The following PATJ variants were observed in gnomAD, a reference collection of about 807,000 sequenced individuals.
PATJ encodes the protein PATJ crumbs cell polarity complex component.
In PATJ, 190 loss-of-function variants were observed where a neutral mutation model predicts 224.9. The observed-to-expected ratio is 0.84, with a 90% CI of 0.75 to 0.95. The LOEUF (loss-of-function observed/expected upper bound fraction) is 0.95, where lower values mean the gene tolerates loss of function less well. PATJ is among the 40% of genes least tolerant of loss of function. The probability of loss-of-function intolerance (pLI) is 0.00; values close to 1 mark genes in which losing one functional copy is unlikely to be tolerated. For synonymous variants in PATJ, 769 were observed against 820.3 expected (o/e 0.94, Z 1.07); for missense variants, 2,121 against 2,270.3 (o/e 0.93, Z 1.34).
At chr1:62,093,964 A>T (rs1202063549) in intron 33 of PATJ, among the ~76,000 whole-genome samples, 1 of 152,220 alleles carries the variant, frequency 6.6e-6, no homozygotes, top group Non-Finnish European at 1.5e-5. Context: ...AAACCTTTTA[A>T]TATATTTACA....
chr1:61,906,565 A>G (rs927806407), intron 24 of PATJ, among the ~76,000 whole-genome samples: 4 of 152,338 alleles, frequency 2.6e-5, no homozygotes, highest in South Asian at 2.1e-4. Context: ...CCACAGGCAC[A>G]CACATCTATG....
chr1:61,997,185 T>A (rs907297218), intron 28 of PATJ, among the ~76,000 whole-genome samples: 1 of 152,244 alleles, frequency 6.6e-6, no homozygotes, highest in Non-Finnish European at 1.5e-5. Context: ...GTCAATATTG[T>A]ATCTCAAAGC....
intron 41 of PATJ, among the ~76,000 whole-genome samples, chr1:62,141,832 TG>T (rs1309848138): frequency 1.3e-5 from 2 of 151,942 alleles, no homozygotes; most frequent in African/African-American, 4.8e-5. Flanking sequence ...TAGCTGGGCG[TG>T]GTGACACACA....
intron 28 of PATJ, among the ~76,000 whole-genome samples, chr1:61,998,200 C>T (rs151181916): frequency 0.013 from 1,911 of 150,950 alleles, 49 homozygotes; most frequent in African/African-American, 0.043. Context: ...CTGCCTCAGC[C>T]TCTCGATGAA....
At chr1:62,068,338 G>A (rs1360904259) in intron 31 of PATJ, among the ~76,000 whole-genome samples, 1 of 152,198 alleles carries the variant, frequency 6.6e-6, no homozygotes, top group Non-Finnish European at 1.5e-5. Context: ...TAGTTTGTTT[G>A]TTTTTCATAT....
At position 61,871,433 on chromosome 1, in the gene PATJ, ATG is replaced by A. The variant is rs1553185987; in HGVS notation, c.2836-3806_2836-3805del. ...TATATACATATATATGTACATATAT[ATG>A]TGTATATACACATATATATGCGTAT... On this transcript the variant is annotated intron_variant, in intron 20 of 43. Transcript: ENST00000642238. 1.3e-3 allele frequency among the ~76,000 whole-genome samples: 142 copies of A among 111,232 alleles called. 1 individual carries two copies. Among genetic ancestry groups the A allele is most frequent in the South Asian group, 5.3e-3 (19 of 3,614 alleles). 73.0% of individuals were successfully genotyped at this position (111,232 alleles called of 152,430 possible). A position where few individuals can be genotyped will look rare whatever the true frequency, so the allele number is the denominator to read the frequency against.
intron 7 of PATJ, among the ~76,000 whole-genome samples, chr1:61,777,112 G>A (rs1277035810): frequency 1.3e-5 from 2 of 152,118 alleles, no homozygotes; most frequent in Non-Finnish European, 2.9e-5. Flanking sequence ...TTGGGTATTT[G>A]GAAGATGTTT....
In PATJ at chr1:61,864,393, T is replaced by C. The variant is rs1298166054; in HGVS notation, c.2595T>C (p.Asp865=). The change falls in exon 20 of 44, where the codon GAT becomes GAC. Residue 865 remains aspartate (D), a synonymous_variant. Transcript: ENST00000642238. ...EFLTPRLQEM[D]EEREILVDEE... ...TGACTCCTAGATTGCAGGAAATGGA[T>C]GAAGAAAGAGAAATTCTTGTTGATG... is the stretch of plus-strand genomic sequence containing the variant. 1.9e-6 allele frequency: 3 copies of C among 1,613,974 alleles called. No homozygotes were observed. The highest frequency in any genetic ancestry group is 2.2e-5 in the South Asian group (2 of 91,070).
rs745872932 is a variant in PATJ, at chr1:61,864,515, T to C, written c.2717T>C (p.Leu906Pro). Reference sequence around the variant, plus strand: ...ACTCCTGTGCCCTCTGTGAATGAACTTCACTTTGGTACACAGTGGTTGCAT... The same window carrying C: ...ACTCCTGTGCCCTCTGTGAATGAACCTCACTTTGGTACACAGTGGTTGCAT... Reference protein sequence around the residue: ...EATPVPSVNELHFGTQWLHDN... With the variant: ...EATPVPSVNEPHFGTQWLHDN... Residue 906 changes from leucine (L) to proline (P), a missense_variant, in exon 20 of 44, where the codon CTT (leucine) becomes CCT (proline). Physicochemically the swap from Leu to Pro is moderately conservative, Grantham distance 98 (BLOSUM62 -3). Transcript: ENST00000642238. The C allele has an allele frequency of 1.9e-6, 3 of 1,614,068 alleles. No homozygotes were observed.
chr1:61,758,907 G>A (rs1018153001), intron 1 of PATJ, among the ~76,000 whole-genome samples: 1 of 152,012 alleles, frequency 6.6e-6, no homozygotes, highest in African/African-American at 2.4e-5. Context: ...CCTGCCAAGG[G>A]GAATCTCTAG....
Position 61,766,202 on chromosome 1 carries a change from A to T in PATJ, c.190-77A>T, listed in dbSNP as rs1036922511. The T allele has an allele frequency of 2.7e-5, 26 of 959,668 alleles. No homozygotes were observed. In the African/African-American group the frequency reaches 4.3e-4, roughly 16 times the overall value. 59.4% of individuals were successfully genotyped at this position (959,668 alleles called of 1,614,324 possible). ...ATTTAATGTGCAAAGTATCTATGTAATGGTCAAAATATATTTAATAAATAG... is the reference window on the plus strand; with the variant it reads ...ATTTAATGTGCAAAGTATCTATGTATTGGTCAAAATATATTTAATAAATAG... On this transcript the variant is annotated intron_variant, in intron 3 of 43. Transcript: ENST00000642238.
chr1:61,877,833 T>A (rs1667544021), intron 21 of PATJ, among the ~76,000 whole-genome samples: 1 of 152,224 alleles, frequency 6.6e-6, no homozygotes, highest in Non-Finnish European at 1.5e-5. Flanking sequence ...TTTAAAAATC[T>A]CCCTGTTTTT....
At chr1:61,776,025 G>A (rs1367691863) in intron 7 of PATJ, among the ~76,000 whole-genome samples, 3 of 152,174 alleles carry the variant, frequency 2.0e-5, no homozygotes, top group African/African-American at 7.2e-5. Context: ...TTATTGCCCA[G>A]TTACATATAA....
intron 27 of PATJ, among the ~76,000 whole-genome samples, chr1:61,983,257 T>C (rs1482171825): frequency 1.3e-5 from 2 of 152,008 alleles, no homozygotes; most frequent in African/African-American, 2.4e-5. Context: ...GGCCTGAAAA[T>C]GTTAATAAAA....
chr1:61,810,714 AT>A (rs1181534869), intron 14 of PATJ, among the ~76,000 whole-genome samples: 6 of 149,082 alleles, frequency 4.0e-5, no homozygotes, highest in Admixed American at 6.6e-5. Context: ...AAATAAATAA[AT>A]AAATAAATAA....
intron 29 of PATJ, among the ~76,000 whole-genome samples, chr1:62,035,270 G>A (rs1650160006): frequency 6.6e-6 from 1 of 152,142 alleles, no homozygotes; most frequent in Non-Finnish European, 1.5e-5. Flanking sequence ...CGCTTGATAC[G>A]CTATGTCACT....
chr1:61,782,158 G>A (rs79821887), intron 7 of PATJ, among the ~76,000 whole-genome samples: 2,261 of 152,320 alleles, frequency 0.015, 50 homozygotes, highest in African/African-American at 0.051. Context: ...AAGCTCCCAG[G>A]TGTTAGCCAA....
intron 29 of PATJ, among the ~76,000 whole-genome samples, chr1:62,029,312 T>A (rs1288891873): frequency 1.3e-5 from 2 of 152,206 alleles, no homozygotes; most frequent in African/African-American, 4.8e-5. Context: ...GCCTGTTACA[T>A]TAGATGTCTT....
At chr1:62,146,595 G>GA (rs1194671678) in intron 41 of PATJ, among the ~76,000 whole-genome samples, 2 of 152,030 alleles carry the variant, frequency 1.3e-5, no homozygotes, top group Non-Finnish European at 2.9e-5. Context: ...GACCAACATG[G>GA]AGAAACCCCG....
Sources: gnomAD v4.1 joint callset for allele counts (sites outside exome capture counted in the v4.1 genomes callset) on GRCh38, gnomAD v4.1.1 for gene constraint, MANE v1.5 for transcripts, NCBI Gene and HGNC (gene_info 2026-07-23, HGNC 2026-07-21) for gene names.